The following USP36 variants were observed in gnomAD, a reference collection of about 807,000 sequenced individuals.
The protein encoded by USP36 is ubiquitin specific peptidase 36.
In USP36, 59 loss-of-function variants were observed where a neutral mutation model predicts 111.5. The ratio of observed to expected loss-of-function variants is 0.53; its 90% CI spans 0.43 to 0.66. USP36 has a LOEUF of 0.66. USP36 is among the 30% of genes least tolerant of loss of function. The pLI is 0.00. For synonymous variants in USP36, 628 were observed against 581.0 expected, an observed-to-expected ratio of 1.08 and a Z score of -1.16; for missense variants, 1,488 against 1,468.0, an observed-to-expected ratio of 1.01 and a Z score of -0.22.
chr17:78,801,822 G>A (rs1462691512), intron 17 of USP36, among the ~76,000 whole-genome samples: 3 of 152,168 alleles, frequency 2.0e-5, no homozygotes, highest in African/African-American at 4.8e-5. Context: ...GCTTTGAATC[G>A]GAAGACCCAC....
At chr17:78,811,509 A>G (rs2094055111) in intron 13 of USP36, among the ~76,000 whole-genome samples, 1 of 152,182 alleles carries the variant, frequency 6.6e-6, no homozygotes, top group East Asian at 1.9e-4. Context: ...TCTCTTACAT[A>G]ACCACAGCAG....
downstream of USP36, among the ~76,000 whole-genome samples, chr17:78,794,272 C>G (rs2093605593): frequency 6.6e-6 from 1 of 152,230 alleles, no homozygotes; most frequent in African/African-American, 2.4e-5. Flanking sequence ...CTGGAATCCA[C>G]TATCAGCCTC....
intron 6 of USP36, among the ~76,000 whole-genome samples, chr17:78,823,753 G>A (rs2094386731): frequency 1.3e-5 from 2 of 152,036 alleles, no homozygotes; most frequent in Admixed American, 6.6e-5. Context: ...AGGCAAAAGG[G>A]GAAACATCAG....
rs578150114 is a variant in USP36, at chr17:78,815,805, T to C, written c.1024-1253A>G. Among the ~76,000 whole-genome samples, 19 of 151,836 alleles carry C rather than the reference T, an allele frequency of 1.3e-4. 1 individual carries two copies. In the South Asian group the frequency reaches 3.3e-3, roughly 27 times the overall value. ...ACACATATATACATACATGCATACA[T>C]ACATCGTATACACACATGCACACAT... On this transcript the variant is annotated intron_variant, in intron 10 of 20. Transcript: ENST00000449938.
At chr17:78,789,298 A>G (rs1363400881) in intron 3 of USP36, among the ~76,000 whole-genome samples, 8 of 151,968 alleles carry the variant, frequency 5.3e-5, no homozygotes, top group South Asian at 2.1e-4. Context: ...CCTGAGACCA[A>G]GCGAAAGGTA....
intron 10 of USP36, among the ~76,000 whole-genome samples, chr17:78,816,108 C>T (rs1381366476): frequency 6.6e-6 from 1 of 151,890 alleles, no homozygotes; most frequent in Non-Finnish European, 1.5e-5. Context: ...TGCCATTATT[C>T]TGGGTCATAT....
chr17:78,808,895 T>C (rs1396859373), intron 13 of USP36, among the ~76,000 whole-genome samples: 4 of 152,118 alleles, frequency 2.6e-5, no homozygotes, highest in Non-Finnish European at 5.9e-5. Context: ...TACTTAGTAC[T>C]CCATGCTAAT....
At chr17:78,815,982 C>T (rs943850511) in intron 10 of USP36, among the ~76,000 whole-genome samples, 7 of 151,944 alleles carry the variant, frequency 4.6e-5, no homozygotes, top group African/African-American at 1.5e-4. Context: ...ACATATAATA[C>T]GTGCACACAC....
chr17:78,809,835 T>C (rs534045982), intron 13 of USP36, among the ~76,000 whole-genome samples: 3 of 152,074 alleles, frequency 2.0e-5, no homozygotes, highest in East Asian at 3.9e-4. Context: ...TGGGGGTCTT[T>C]CTATGTTGCC....
intron 2 of USP36, among the ~76,000 whole-genome samples, chr17:78,836,822 C>T (rs926494793): frequency 6.2e-5 from 9 of 146,108 alleles, no homozygotes; most frequent in South Asian, 2.1e-4. Flanking sequence ...CACACACAAA[C>T]GGACACACAC....
intron 15 of USP36, among the ~76,000 whole-genome samples, chr17:78,805,787 G>T (rs577883858): frequency 6.6e-6 from 1 of 152,286 alleles, no homozygotes; most frequent in South Asian, 2.1e-4. Context: ...CAAGCCTCTC[G>T]CCAAGGCCTC....
rs376200057 is a variant in USP36, at chr17:78,799,802, C to T, written c.3023-34G>A. Reference sequence around the variant, plus strand: ...GGAGCAGCCAAGAAACATTTACAGACGTTTAAAATAACCCACTGGGGAAGC... The same window carrying T: ...GGAGCAGCCAAGAAACATTTACAGATGTTTAAAATAACCCACTGGGGAAGC... On this transcript the variant is annotated intron_variant, in intron 17 of 20. Transcript: ENST00000449938. The T allele has an allele frequency of 2.3e-5, 35 of 1,522,154 alleles. No homozygotes were observed. The African/African-American group carries it at 2.4e-4, about 11-fold the overall frequency. 94.3% of individuals were successfully genotyped at this position (1,522,154 alleles called of 1,614,324 possible).
intron 7 of USP36, 60 bp from the exon 8 acceptor site, chr17:78,821,121 A>G: frequency 1.3e-6 from 2 of 1,515,178 alleles, no homozygotes; most frequent in Admixed American, 2.0e-5. Context: ...CCCAGCTCCC[A>G]AGACCGAGAC....
At chr17:78,834,209 C>T (rs1011186771) in intron 4 of USP36, among the ~76,000 whole-genome samples, 4 of 150,286 alleles carry the variant, frequency 2.7e-5, no homozygotes, top group Non-Finnish European at 5.9e-5. Context: ...ATCACACCAC[C>T]GTACTCCAGC....
intron 4 of USP36, among the ~76,000 whole-genome samples, chr17:78,829,922 G>A (rs770434560): frequency 2.6e-5 from 4 of 152,134 alleles, no homozygotes; most frequent in Non-Finnish European, 5.9e-5. Context: ...TTGTATTTTA[G>A]TAGAGACAGA....
intron 7 of USP36, chr17:78,821,409 TATA>T (rs2094322595): frequency 2.6e-4 from 17 of 65,212 alleles, no homozygotes; most frequent in African/African-American, 1.3e-3. Flanking sequence ...TATATATATA[TATA>T]TATATATATT....
intron 10 of USP36, among the ~76,000 whole-genome samples, chr17:78,815,318 G>A (rs777551624): frequency 2.1e-4 from 32 of 152,136 alleles, no homozygotes; most frequent in Non-Finnish European, 3.5e-4. Flanking sequence ...GCAACAGAGC[G>A]AGACTCCATC....
chr17:78,821,403 TA>T (rs1567952380), intron 7 of USP36: 2 of 57,836 alleles, frequency 3.5e-5, no homozygotes, highest in African/African-American at 1.8e-4. Flanking sequence ...TATATATATA[TA>T]TATATATATA....
intron 5 of USP36, among the ~76,000 whole-genome samples, chr17:78,828,328 G>C (rs1317988295): frequency 6.6e-6 from 1 of 152,106 alleles, no homozygotes; most frequent in Admixed American, 6.6e-5. Flanking sequence ...CCGGTAATAG[G>C]CCTCTTCTTT....
Sources: gnomAD v4.1 joint callset for allele counts (sites outside exome capture counted in the v4.1 genomes callset) on GRCh38, gnomAD v4.1.1 for gene constraint, MANE v1.5 for transcripts, NCBI Gene and HGNC (gene_info 2026-07-23, HGNC 2026-07-21) for gene names.